Variants in ADAMTS17 observed in about 807,000 individuals in gnomAD.
The protein encoded by ADAMTS17 is A disintegrin and metalloproteinase with thrombospondin motifs 17.
A neutral mutation model predicts 141.5 loss-of-function variants in ADAMTS17; 113 were observed. The observed-to-expected ratio is 0.80, with a 90% confidence interval of 0.69 to 0.93. The LOEUF is 0.93. ADAMTS17 is among the 40% of genes least tolerant of loss of function. The probability of loss-of-function intolerance (pLI) is 0.00; values close to 1 mark genes in which losing one functional copy is unlikely to be tolerated. For missense variants in ADAMTS17, 1,659 were observed against 1,517.9 expected (o/e 1.09, Z -1.54); for synonymous variants, 768 against 630.6 (o/e 1.22, Z -3.27).
At chr15:100,099,734 A>C (rs2035979134) in intron 14 of ADAMTS17, among the ~76,000 whole-genome samples, 1 of 145,408 alleles carries the variant, frequency 6.9e-6, no homozygotes, top group South Asian at 2.3e-4. Flanking sequence ...AATTAAAGGC[A>C]TGGGATGGTA....
chr15:99,977,390 ATATATATATAATTTTTTTTT>A (rs1567632484), intron 20 of ADAMTS17, among the ~76,000 whole-genome samples: 1 of 8,494 alleles, frequency 1.2e-4, no homozygotes, highest in African/African-American at 4.8e-4. Flanking sequence ...ATATATATAT[ATATATATATAATTTTTTTTT>A]TTTTTTTTTT....
intron 3 of ADAMTS17, among the ~76,000 whole-genome samples, chr15:100,325,974 A>C (rs1305362186): frequency 6.6e-6 from 1 of 152,162 alleles, no homozygotes; most frequent in Non-Finnish European, 1.5e-5. Flanking sequence ...AGAACTATGA[A>C]TAATAAATAC....
intron 13 of ADAMTS17, among the ~76,000 whole-genome samples, chr15:100,115,054 T>A (rs1361901969): frequency 6.6e-6 from 1 of 152,176 alleles, no homozygotes; most frequent in Non-Finnish European, 1.5e-5. Flanking sequence ...AGACCTGACC[T>A]CTTCTTGCTC....
At chr15:100,173,850 C>G (rs550929289) in intron 8 of ADAMTS17, among the ~76,000 whole-genome samples, 1 of 152,270 alleles carries the variant, frequency 6.6e-6, no homozygotes, top group East Asian at 1.9e-4. Flanking sequence ...GGAGTACAGG[C>G]CAGGCATCTG....
chr15:100,199,949 C>T (rs1054222815), intron 7 of ADAMTS17, among the ~76,000 whole-genome samples: 3 of 152,212 alleles, frequency 2.0e-5, no homozygotes, highest in South Asian at 2.1e-4. Context: ...GGGCGTGAGC[C>T]GGGGTCTGTG....
chr15:99,999,969 T>C (rs991965190), intron 18 of ADAMTS17, among the ~76,000 whole-genome samples: 1 of 152,174 alleles, frequency 6.6e-6, no homozygotes, highest in Non-Finnish European at 1.5e-5. Context: ...CTAACTCCAG[T>C]GAAGCCCTTC....
chr15:99,983,550 G>A (rs944634064), intron 20 of ADAMTS17, among the ~76,000 whole-genome samples: 6 of 152,216 alleles, frequency 3.9e-5, no homozygotes, highest in Admixed American at 2.0e-4. Flanking sequence ...CCAACAGGAT[G>A]TTTTGAGAAT....
At chr15:100,274,791 T>G (rs2044024171) in intron 4 of ADAMTS17, among the ~76,000 whole-genome samples, 2 of 152,220 alleles carry the variant, frequency 1.3e-5, no homozygotes, top group South Asian at 4.1e-4. Flanking sequence ...GCTGATTTGA[T>G]TTTCTTTTAT....
At chr15:100,180,658 T>C (rs889858957) in intron 8 of ADAMTS17, among the ~76,000 whole-genome samples, 1 of 152,258 alleles carries the variant, frequency 6.6e-6, no homozygotes, top group Non-Finnish European at 1.5e-5. Flanking sequence ...GAACGCTGAA[T>C]ATCTTTCCAT....
At chr15:100,192,668 G>A (rs2040962704) in intron 8 of ADAMTS17, among the ~76,000 whole-genome samples, 1 of 152,174 alleles carries the variant, frequency 6.6e-6, no homozygotes, top group African/African-American at 2.4e-5. Context: ...ATCTGTCCTG[G>A]GTCCATTCCG....
intron 18 of ADAMTS17, among the ~76,000 whole-genome samples, chr15:100,008,027 C>T (rs1038423730): frequency 2.6e-5 from 4 of 152,006 alleles, no homozygotes; most frequent in South Asian, 2.1e-4. Flanking sequence ...AGTGCTGGGG[C>T]CTGAAAGGCA....
intron 15 of ADAMTS17, among the ~76,000 whole-genome samples, chr15:100,096,142 G>A (rs147756681): frequency 6.0e-4 from 92 of 152,284 alleles, no homozygotes; most frequent in East Asian, 4.6e-3. Flanking sequence ...AGCTGTTTCC[G>A]TTCATGGCAA....
chr15:100,064,977 C>T (rs151092228), intron 15 of ADAMTS17, among the ~76,000 whole-genome samples: 97 of 152,128 alleles, frequency 6.4e-4, no homozygotes, highest in Middle Eastern at 3.4e-3. Context: ...GAATCATGAG[C>T]GGAGCTGTAA....
chr15:100,022,955 C>T (rs930817310), intron 18 of ADAMTS17, among the ~76,000 whole-genome samples: 3 of 150,302 alleles, frequency 2.0e-5, no homozygotes, highest in Non-Finnish European at 4.4e-5. Context: ...GTCACATGAT[C>T]TGTTTTCACC....
intron 4 of ADAMTS17, among the ~76,000 whole-genome samples, chr15:100,278,433 G>A (rs142952083): frequency 1.2e-3 from 183 of 152,286 alleles, no homozygotes; most frequent in African/African-American, 4.3e-3. Flanking sequence ...GAGCAGCATG[G>A]CACCCTCACA....
intron 14 of ADAMTS17, among the ~76,000 whole-genome samples, chr15:100,105,078 A>T (rs1245486296): frequency 2.0e-5 from 3 of 152,238 alleles, no homozygotes; most frequent in Non-Finnish European, 2.9e-5. Context: ...TCCTTCAGAA[A>T]GCAAGTTGTT....
intron 15 of ADAMTS17, among the ~76,000 whole-genome samples, chr15:100,066,375 G>A (rs954349069): frequency 9.8e-5 from 11 of 112,654 alleles, no homozygotes; most frequent in African/African-American, 2.4e-4. Flanking sequence ...ATGGATACAC[G>A]TCTTAGATTT....
intron 15 of ADAMTS17, among the ~76,000 whole-genome samples, chr15:100,084,339 G>C (rs566290663): frequency 6.6e-6 from 1 of 152,224 alleles, no homozygotes; most frequent in Admixed American, 6.5e-5. Context: ...AAACAAAGCC[G>C]CCGGGAAGCT....
intron 4 of ADAMTS17, among the ~76,000 whole-genome samples, chr15:100,278,190 T>C (rs1230657772): frequency 6.6e-6 from 1 of 152,156 alleles, no homozygotes; most frequent in East Asian, 1.9e-4. Context: ...GTTTCCATTT[T>C]GTGGACAGTG....
Sources: gnomAD v4.1 joint callset for allele counts (sites outside exome capture counted in the v4.1 genomes callset) on GRCh38, gnomAD v4.1.1 for gene constraint, MANE v1.5 for transcripts, NCBI Gene and HGNC (gene_info 2026-07-23, HGNC 2026-07-21) for gene names.